MAML3: variants seen among roughly 807,000 people sequenced by gnomAD.
MAML3 encodes the protein mastermind like transcriptional coactivator 3.
Under a neutral mutation model 101.9 loss-of-function variants are expected in MAML3, and 27 were observed. The observed-to-expected ratio is 0.27, with a 90% CI of 0.20 to 0.37. The LOEUF (loss-of-function observed/expected upper bound fraction) is 0.37. Ranked by LOEUF, MAML3 falls within the 10% of genes least tolerant of loss-of-function variation. MAML3 has a pLI of 1.00. For synonymous variants in MAML3, 501 were observed against 555.9 expected, an observed-to-expected ratio of 0.90 and a Z score of 1.39; for missense variants, 1,316 against 1,444.9, an observed-to-expected ratio of 0.91 and a Z score of 1.45.
chr4:140,058,456 C>A (rs752800360), intron 1 of MAML3, among the ~76,000 whole-genome samples: 4 of 151,722 alleles, frequency 2.6e-5, no homozygotes, highest in Non-Finnish European at 4.4e-5. Context: ...GAGAACCTAA[C>A]ATTTGATGTA....
At chr4:139,761,518 G>C (rs1187927249) in intron 2 of MAML3, among the ~76,000 whole-genome samples, 1 of 152,126 alleles carries the variant, frequency 6.6e-6, no homozygotes, top group Non-Finnish European at 1.5e-5. Flanking sequence ...TGATTAGATA[G>C]GACACAGAGT....
At chr4:139,865,900 A>T (rs1731889276) in intron 2 of MAML3, among the ~76,000 whole-genome samples, 2 of 152,264 alleles carry the variant, frequency 1.3e-5, no homozygotes. Flanking sequence ...TTCTCTGCTT[A>T]GAGAATTTCA....
intron 1 of MAML3, among the ~76,000 whole-genome samples, chr4:140,054,111 T>A (rs1727313368): frequency 6.6e-6 from 1 of 152,192 alleles, no homozygotes; most frequent in Non-Finnish European, 1.5e-5. Flanking sequence ...GGCTCACGCC[T>A]GTAATCCCAG....
At chr4:139,873,996 A>G (rs555934002) in intron 2 of MAML3, among the ~76,000 whole-genome samples, 1 of 152,364 alleles carries the variant, frequency 6.6e-6, no homozygotes, top group East Asian at 1.9e-4. Context: ...TAAGTTTTTA[A>G]GTTTTATTAA....
At chr4:139,930,619 C>T (rs1479759215) in intron 1 of MAML3, among the ~76,000 whole-genome samples, 4 of 152,166 alleles carry the variant, frequency 2.6e-5, no homozygotes, top group Admixed American at 2.0e-4. Context: ...GAAACTGTGA[C>T]GTGGTAATCA....
chr4:139,960,641 G>A (rs2110773715), intron 1 of MAML3, among the ~76,000 whole-genome samples: 1 of 152,206 alleles, frequency 6.6e-6, no homozygotes, highest in Middle Eastern at 3.4e-3. Flanking sequence ...GGAAAATGGG[G>A]GAAAAATTAA....
In MAML3 at chr4:140,153,262, C is replaced by G. The variant is rs1484527201; in HGVS notation, c.66G>C (p.Leu22=). 1.9e-6 allele frequency: 3 copies of G among 1,608,566 alleles called. No homozygotes were observed. The highest frequency in any genetic ancestry group is 1.1e-5 in the South Asian group (1 of 90,098). Residue 22 remains leucine (L), a synonymous_variant, in exon 1 of 5, where the codon CTG becomes CTC. Transcript: ENST00000509479. ...NGSSICINSS[L]NSSLGGAGIG... ...TCCCGGCCCCGCCGAGGCTGCTGTT[C>G]AGGCTACTGTTGATGCAAATACTAC...
intron 2 of MAML3, among the ~76,000 whole-genome samples, chr4:139,786,170 C>A (rs1343664664): frequency 6.6e-6 from 1 of 151,966 alleles, no homozygotes; most frequent in Non-Finnish European, 1.5e-5. Context: ...GAGGCAGAGG[C>A]CTTCAGAAGA....
chr4:139,929,599 A>G (rs1483195041), intron 1 of MAML3, among the ~76,000 whole-genome samples: 2 of 152,236 alleles, frequency 1.3e-5, no homozygotes, highest in Admixed American at 1.3e-4. Context: ...ACTAGCATCT[A>G]TACAATCATG....
chr4:139,953,163 G>A (rs1050717794), intron 1 of MAML3, among the ~76,000 whole-genome samples: 2 of 152,208 alleles, frequency 1.3e-5, no homozygotes, highest in Non-Finnish European at 2.9e-5. Context: ...CTATATGCTT[G>A]AGACGTCTCT....
chr4:139,780,508 G>T lies in MAML3; in HGVS notation c.2080-49841C>A, dbSNP rs185129581. On this transcript the variant is annotated intron_variant, in intron 2 of 4. Coordinates refer to ENST00000509479, the MANE Select transcript of MAML3 (RefSeq NM_018717.5). The stretch of plus-strand genomic sequence containing the variant: ...CCAAACTCCAGAAGACAGGTGGAAT[G>T]CTTTACCTTGTATTTTCCCCCTTTT... 1.3e-3 allele frequency among the ~76,000 whole-genome samples: 194 copies of T among 152,170 alleles called. 1 individual carries two copies. Among genetic ancestry groups the T allele is most frequent in the Non-Finnish European group, 1.4e-3 (96 of 68,012 alleles).
intron 2 of MAML3, among the ~76,000 whole-genome samples, chr4:139,796,653 G>A (rs1730514359): frequency 6.6e-6 from 1 of 152,126 alleles, no homozygotes; most frequent in African/African-American, 2.4e-5. Context: ...GACAGACCAT[G>A]GTTTAGCTTG....
chr4:139,865,510 T>TTC (rs1731881214), intron 2 of MAML3, among the ~76,000 whole-genome samples: 1 of 150,606 alleles, frequency 6.6e-6, no homozygotes, highest in African/African-American at 2.5e-5. Context: ...TTTTTTTTTT[T>TTC]CATTCTCTAA....
intron 1 of MAML3, among the ~76,000 whole-genome samples, chr4:140,036,245 A>T (rs1726984927): frequency 6.6e-6 from 1 of 152,182 alleles, no homozygotes; most frequent in Non-Finnish European, 1.5e-5. Context: ...AACATCTACC[A>T]ATGGCCCCTG....
intron 2 of MAML3, among the ~76,000 whole-genome samples, chr4:139,784,821 T>C (rs1730277949): frequency 6.6e-6 from 1 of 152,144 alleles, no homozygotes; most frequent in Non-Finnish European, 1.5e-5. Context: ...TTCTTTGTTG[T>C]CACCAGAGAA....
At chr4:139,747,618 G>A (rs929534333) in intron 2 of MAML3, among the ~76,000 whole-genome samples, 2 of 149,774 alleles carry the variant, frequency 1.3e-5, no homozygotes, top group South Asian at 2.1e-4. Flanking sequence ...TGCCTGAACC[G>A]GGAGGGTGGA....
chr4:140,144,917 C>A (rs574044971), intron 1 of MAML3, among the ~76,000 whole-genome samples: 2 of 152,166 alleles, frequency 1.3e-5, no homozygotes, highest in Non-Finnish European at 2.9e-5. Flanking sequence ...GGGTACCCAG[C>A]CTTTTAGATT....
At chr4:139,938,731 G>A (rs1733549734) in intron 1 of MAML3, among the ~76,000 whole-genome samples, 1 of 152,120 alleles carries the variant, frequency 6.6e-6, no homozygotes, top group South Asian at 2.1e-4. Flanking sequence ...AGTCAATGGA[G>A]GCCACTTTTT....
At position 139,931,207 on chromosome 4, in the gene MAML3, C is replaced by T. The variant is rs140811349; in HGVS notation, c.469-40240G>A. Among the ~76,000 whole-genome samples, 3 of 152,268 alleles carry T rather than the reference C, an allele frequency of 2.0e-5. No homozygotes were observed. The East Asian group carries it at 5.8e-4, about 29-fold the overall frequency. On this transcript the variant is annotated intron_variant, in intron 1 of 4. Transcript: ENST00000509479. ...AGACAGCGCCAGCAGAGCATTAAAA[C>T]AAGCCCCAAGTCCCAGGCGCCACAC...
Sources: allele counts gnomAD v4.1 joint callset (sites outside exome capture counted in the v4.1 genomes callset), GRCh38; gene constraint gnomAD v4.1.1; transcripts MANE v1.5; gene names NCBI Gene and HGNC (gene_info 2026-07-23, HGNC 2026-07-21).